The following POLK variants were observed in gnomAD, a reference collection of about 807,000 sequenced individuals.
POLK encodes the protein polymerase (DNA directed) kappa.
Under a neutral mutation model 94.0 loss-of-function variants are expected in POLK, and 76 were observed. The observed-to-expected ratio is 0.81, with a 90% confidence interval of 0.67 to 0.98. The LOEUF (loss-of-function observed/expected upper bound fraction) is 0.98. POLK is among the 50% of genes least tolerant of loss of function. POLK has a pLI of 0.00. For synonymous variants in POLK, 349 were observed against 325.4 expected (o/e 1.07, Z -0.78); for missense variants, 954 against 1,010.1 (o/e 0.94, Z 0.75).
chr5:75,596,907 T>C (rs1240602413), exon 13 of POLK: 5 of 1,613,616 alleles, frequency 3.1e-6, no homozygotes, highest in South Asian at 1.1e-5. Flanking sequence ...CTTTTAATAT[T>C]GAACACTGTC....
At chr5:75,553,961 C>G (rs1413415532) in intron 3 of POLK, among the ~76,000 whole-genome samples, 1 of 152,118 alleles carries the variant, frequency 6.6e-6, no homozygotes, top group Non-Finnish European at 1.5e-5. Context: ...TCATATTGTT[C>G]CATCATCCCC....
exon 12 of POLK, chr5:75,593,995 C>T: frequency 6.2e-7 from 1 of 1,612,250 alleles, no homozygotes; most frequent in Non-Finnish European, 8.5e-7. Flanking sequence ...TAAGGAATTG[C>T]TAAAAACAGA....
At chr5:75,585,934 A>T (rs1224980519) in intron 9 of POLK, among the ~76,000 whole-genome samples, 1 of 152,168 alleles carries the variant, frequency 6.6e-6, no homozygotes, top group African/African-American at 2.4e-5. Flanking sequence ...TGCTTTTCTC[A>T]TCTCTTCCTG....
rs906394626 is a variant in POLK at position 75,514,144 on chromosome 5, C to G, written c.-14+2230C>G. ...CCCTGTTTAAGATCTTTATTAAGAT[C>G]TTGCTATATGATAATCTGACTGGGG... On this transcript the variant is annotated intron_variant, in intron 1 of 14. Coordinates refer to ENST00000241436, the Ensembl canonical transcript of POLK. Among the ~76,000 whole-genome samples, 5 of 152,138 alleles carry G rather than the reference C, an allele frequency of 3.3e-5. No homozygotes were observed. In the South Asian group the frequency reaches 1.0e-3, roughly 32 times the overall value.
At chr5:75,526,783 G>A (rs560799907) in intron 1 of POLK, among the ~76,000 whole-genome samples, 12 of 152,104 alleles carry the variant, frequency 7.9e-5, no homozygotes, top group African/African-American at 2.7e-4. Context: ...ATTTTGCCAT[G>A]TTGGCCAGGC....
chr5:75,514,906 T>C (rs1768251083), intron 1 of POLK, among the ~76,000 whole-genome samples: 1 of 152,176 alleles, frequency 6.6e-6, no homozygotes, highest in Non-Finnish European at 1.5e-5. Flanking sequence ...CCAAATTTTT[T>C]AAATGATTAA....
chr5:75,590,399 T>C (rs369219315), exon 11 of POLK: 11 of 1,610,780 alleles, frequency 6.8e-6, no homozygotes, highest in African/African-American at 2.7e-5. Flanking sequence ...TCAAGAACTT[T>C]GCAGTGAGCT....
chr5:75,604,320 A>G (rs1161852802), downstream of POLK, among the ~76,000 whole-genome samples: 1 of 152,032 alleles, frequency 6.6e-6, no homozygotes, highest in East Asian at 1.9e-4. Flanking sequence ...CCTGGGGCTA[A>G]AAAAAACTGT....
At chr5:75,575,899 A>C (rs1003732027) in intron 5 of POLK, among the ~76,000 whole-genome samples, 35 of 152,196 alleles carry the variant, frequency 2.3e-4, no homozygotes, top group Non-Finnish European at 2.9e-5. Context: ...GTAATTCAGC[A>C]AATATGTTTT....
intron 1 of POLK, among the ~76,000 whole-genome samples, chr5:75,545,458 G>C (rs1769963245): frequency 6.6e-6 from 1 of 152,128 alleles, no homozygotes; most frequent in Non-Finnish European, 1.5e-5. Flanking sequence ...CTTACTAACA[G>C]TTATGATGGG....
intron 1 of POLK, chr5:75,535,067 T>C (rs551108920): frequency 1.3e-5 from 2 of 152,398 alleles, no homozygotes; most frequent in Non-Finnish European, 2.9e-5. Flanking sequence ...TCTGTGTAGT[T>C]AAATGTGCTT....
upstream of POLK, chr5:75,510,978 G>A: frequency 8.0e-7 from 1 of 1,244,568 alleles, no homozygotes; most frequent in East Asian, 2.7e-5. Context: ...CTCATCCCTA[G>A]TCGCTGCAGC....
intron 1 of POLK, among the ~76,000 whole-genome samples, chr5:75,537,563 A>C (rs533092332): frequency 6.6e-6 from 1 of 152,164 alleles, no homozygotes; most frequent in African/African-American, 2.4e-5. Flanking sequence ...AGCAATGCGC[A>C]TGAGCTGCTT....
intron 11 of POLK, among the ~76,000 whole-genome samples, chr5:75,593,201 G>A (rs1262180288): frequency 3.3e-5 from 5 of 151,108 alleles, no homozygotes; most frequent in Non-Finnish European, 4.4e-5. Flanking sequence ...GTGTGATCTC[G>A]GCTCAATGCA....
upstream of POLK, chr5:75,511,258 C>T (rs780957038): frequency 6.3e-7 from 1 of 1,599,608 alleles, no homozygotes. Flanking sequence ...TCAGCTGCGC[C>T]GGAGGAGGCG....
At chr5:75,554,226 G>A (rs547170917) in intron 3 of POLK, among the ~76,000 whole-genome samples, 7 of 152,250 alleles carry the variant, frequency 4.6e-5, no homozygotes, top group Non-Finnish European at 1.0e-4. Flanking sequence ...CATTACCATG[G>A]AAGGAAGGAA....
intron 1 of POLK, among the ~76,000 whole-genome samples, chr5:75,517,678 G>C (rs1768384365): frequency 6.6e-6 from 1 of 152,098 alleles, no homozygotes; most frequent in Non-Finnish European, 1.5e-5. Flanking sequence ...TATTATATTA[G>C]ATAACAGTGG....
rs1404929827 is a variant in POLK, at chr5:75,578,376, C to G, written c.694+1443C>G. ...TTCACCATGTTGGCCAGGCTGGTCT[C>G]AAACTCCTGACCTCAGGTGATCTGC... On this transcript the variant is annotated intron_variant, in intron 6 of 14. Transcript: ENST00000241436. Among the ~76,000 whole-genome samples the G allele has an allele frequency of 2.0e-5, 3 of 152,104 alleles. No homozygotes were observed. The East Asian group carries it at 5.8e-4, about 29-fold the overall frequency.
At chr5:75,576,487 C>T (rs1432933902) in intron 5 of POLK, among the ~76,000 whole-genome samples, 1 of 152,036 alleles carries the variant, frequency 6.6e-6, no homozygotes, top group Non-Finnish European at 1.5e-5. Context: ...ATAATGTTTT[C>T]TGAGATTTAT....
Sources: gnomAD v4.1 joint callset for allele counts (sites outside exome capture counted in the v4.1 genomes callset) on GRCh38, gnomAD v4.1.1 for gene constraint, MANE v1.5 for transcripts, NCBI Gene and HGNC (gene_info 2026-07-23, HGNC 2026-07-21) for gene names.